Variants in LRRFIP2 observed in about 807,000 individuals in gnomAD.
LRRFIP2 encodes the protein leucine-rich repeat flightless-interacting protein 2.
LRRFIP2 carries 109 observed loss-of-function variants against 125.9 expected under a neutral mutation model. The observed-to-expected ratio is 0.87, with a 90% CI of 0.74 to 1.01. LRRFIP2 has a LOEUF of 1.01. LRRFIP2 is among the 50% of genes least tolerant of loss of function. The probability of loss-of-function intolerance (pLI) is 0.00; values close to 1 mark genes in which losing one functional copy is unlikely to be tolerated. For synonymous variants in LRRFIP2, 291 were observed against 293.1 expected, an observed-to-expected ratio of 0.99 and a Z score of 0.07; for missense variants, 850 against 862.3, an observed-to-expected ratio of 0.99 and a Z score of 0.18.
chr3:37,063,681 C>G, intron 24 of LRRFIP2, 61 bp downstream of exon 24: 2 of 1,182,478 alleles, frequency 1.7e-6, no homozygotes, highest in Non-Finnish European at 2.5e-6. Context: ...TTTCAATTAG[C>G]CAGTATTTTA....
At chr3:37,103,480 T>A (rs986045156) in intron 14 of LRRFIP2, among the ~76,000 whole-genome samples, 4 of 152,230 alleles carry the variant, frequency 2.6e-5, no homozygotes, top group Admixed American at 6.5e-5. Context: ...CCCCTTTTTT[T>A]ATATTCCCAA....
intron 14 of LRRFIP2, among the ~76,000 whole-genome samples, 187 bp from the exon 15 acceptor site, chr3:37,103,200 A>G (rs1321219531): frequency 2.0e-5 from 3 of 152,188 alleles, no homozygotes; most frequent in African/African-American, 7.2e-5. Context: ...GGGTTCCTAA[A>G]TGAAATCACA....
chr3:37,148,532 G>C (rs977096436), intron 2 of LRRFIP2, among the ~76,000 whole-genome samples: 1 of 152,144 alleles, frequency 6.6e-6, no homozygotes, highest in South Asian at 2.1e-4. Context: ...CAAAAACTTC[G>C]CTAGTGCCAA....
chr3:37,174,885 T>C (rs1271367421), upstream of LRRFIP2: 1 of 152,230 alleles, frequency 6.6e-6, no homozygotes, highest in African/African-American at 2.4e-5. Context: ...TGATCTACCT[T>C]CGAAATGAAT....
intron 19 of LRRFIP2, among the ~76,000 whole-genome samples, chr3:37,081,844 G>A (rs758125996): frequency 1.4e-5 from 2 of 146,958 alleles, no homozygotes; most frequent in African/African-American, 2.5e-5. Context: ...CTATACTTGC[G>A]CTACTCCACT....
rs771954599 is a variant in LRRFIP2 at position 37,055,083 on chromosome 3, T to C, written c.1950+3A>G. On this transcript the variant is annotated splice_donor_region_variant and intron_variant, in intron 26 of 27. Transcript: ENST00000336686. ...TAACTTAGTACCATATAGAAGTACT[T>C]ACACTTTGCTCCAAGGTAGTTATAT... 6 of 1,578,328 alleles carry C rather than the reference T, an allele frequency of 3.8e-6. No homozygotes were observed. In the Admixed American group the frequency reaches 5.6e-5, roughly 15 times the overall value.
At chr3:37,124,422 G>C (rs2095193330) in intron 4 of LRRFIP2, among the ~76,000 whole-genome samples, 1 of 152,120 alleles carries the variant, frequency 6.6e-6, no homozygotes, top group South Asian at 2.1e-4. Context: ...CATATAGAAA[G>C]GCAAAACATT....
Position 37,115,053 on chromosome 3 carries a change from C to G in LRRFIP2, c.372+1G>C. On this transcript the variant is annotated splice_donor_variant, in intron 7 of 27. Coordinates refer to ENST00000336686, the MANE Select transcript of LRRFIP2 (RefSeq NM_006309.4). LOFTEE classifies it high-confidence loss of function. ...ATAACACAAAGTCATGTGCTACATACTAATGATGAAAGTCTTGATGATCTA... is the reference window on the plus strand; with the variant it reads ...ATAACACAAAGTCATGTGCTACATAGTAATGATGAAAGTCTTGATGATCTA... The G allele has an allele frequency of 1.9e-6, 3 of 1,603,080 alleles. No individual in the cohort carries two copies. In the South Asian group the frequency reaches 3.3e-5, roughly 18 times the overall value.
At chr3:37,074,208 A>G (rs1021569146) in intron 20 of LRRFIP2, among the ~76,000 whole-genome samples, 1 of 152,204 alleles carries the variant, frequency 6.6e-6, no homozygotes, top group African/African-American at 2.4e-5. Flanking sequence ...AGAAAAAGAA[A>G]GGCTAAGGTC....
rs370625905 is a variant in LRRFIP2 at position 37,157,143 on chromosome 3, A to G, written c.-55-8105T>C. On this transcript the variant is annotated intron_variant, in intron 1 of 27. Transcript: ENST00000336686. ...CAACCCCGTCTCAAAACAAACAAAC[A>G]AACAAAATAAAGATTATGGCAGGTC... Among the ~76,000 whole-genome samples, 14 of 151,628 alleles carry G rather than the reference A, an allele frequency of 9.2e-5. No individual in the cohort carries two copies. The South Asian group carries it at 2.7e-3, about 29-fold the overall frequency.
chr3:37,112,704 T>TG (rs1429161998), intron 8 of LRRFIP2, among the ~76,000 whole-genome samples: 1 of 152,230 alleles, frequency 6.6e-6, no homozygotes, highest in Non-Finnish European at 1.5e-5. Flanking sequence ...GAGCTTCTTG[T>TG]GATATAGTAC....
At chr3:37,083,241 C>G (rs1380539295) in intron 19 of LRRFIP2, among the ~76,000 whole-genome samples, 2 of 152,130 alleles carry the variant, frequency 1.3e-5, no homozygotes, top group Non-Finnish European at 2.9e-5. Context: ...AATGGATTCT[C>G]TTGAACCGTT....
chr3:37,105,190 A>G, intron 14 of LRRFIP2, among the ~76,000 whole-genome samples: 1 of 152,252 alleles, frequency 6.6e-6, no homozygotes, highest in Non-Finnish European at 1.5e-5. Flanking sequence ...ATAAAACAGC[A>G]ACAAAGAAGA....
At chr3:37,086,633 T>C (rs1406607346) in intron 18 of LRRFIP2, among the ~76,000 whole-genome samples, 3 of 152,204 alleles carry the variant, frequency 2.0e-5, no homozygotes, top group Non-Finnish European at 2.9e-5. Flanking sequence ...ACATATTGTA[T>C]GATTCCATTT....
At chr3:37,058,675 C>CAA (rs58404365) in intron 25 of LRRFIP2, 115 bp downstream of exon 25, 2,113 of 904,292 alleles carry the variant, frequency 2.3e-3, no homozygotes, top group African/African-American at 5.3e-3. Context: ...ACTCCCATCT[C>CAA]AAAAAAAAAA....
chr3:37,154,177 A>AAAAAGAAAAAAAAG (rs1343525508), intron 1 of LRRFIP2, among the ~76,000 whole-genome samples: 2 of 152,174 alleles, frequency 1.3e-5, no homozygotes, highest in Non-Finnish European at 2.9e-5. Flanking sequence ...CCCTGTCTCA[A>AAAAAGAAAAAAAAG]AAAAGAAAAA....
intron 1 of LRRFIP2, among the ~76,000 whole-genome samples, chr3:37,160,146 G>C (rs1276503598): frequency 6.6e-6 from 1 of 151,960 alleles, no homozygotes; most frequent in East Asian, 1.9e-4. Flanking sequence ...AGACAAAGGG[G>C]CTCTGGGGAA....
In LRRFIP2 at chr3:37,141,525, T is replaced by C. The variant is rs192843267; in HGVS notation, c.90+7369A>G. On this transcript the variant is annotated intron_variant, in intron 2 of 27. Coordinates refer to ENST00000336686, the MANE Select transcript of LRRFIP2 (RefSeq NM_006309.4). ...ACAAGGCTGTTTATGGTGATACATA[T>C]TAAACCTTTTTTTTGAAACCAAACA... 3.4e-3 allele frequency among the ~76,000 whole-genome samples: 517 copies of C among 152,382 alleles called. 7 individuals carry two copies. The highest frequency in any genetic ancestry group is 1.5e-3 in the Non-Finnish European group (101 of 68,040).
At chr3:37,121,742 T>C (rs2095052907) in intron 4 of LRRFIP2, 51 bp from the exon 5 acceptor site, 1 of 1,566,474 alleles carries the variant, frequency 6.4e-7, no homozygotes, top group Non-Finnish European at 8.8e-7. Context: ...AGACAGTTGT[T>C]TATCAGAACA....
Sources: allele counts gnomAD v4.1 joint callset (sites outside exome capture counted in the v4.1 genomes callset), GRCh38; gene constraint gnomAD v4.1.1; transcripts MANE v1.5; gene names NCBI Gene and HGNC (gene_info 2026-07-23, HGNC 2026-07-21).